FAM171B: variants seen among roughly 807,000 people sequenced by gnomAD.
The protein encoded by FAM171B is protein FAM171B.
Under a neutral mutation model 75.6 loss-of-function variants are expected in FAM171B, and 19 were observed. That is an observed-to-expected ratio of 0.25 (90% CI 0.18 to 0.37). The LOEUF (loss-of-function observed/expected upper bound fraction) is 0.37, where lower values mean the gene tolerates loss of function less well. FAM171B is among the 10% of genes least tolerant of loss of function. The pLI is 1.00. For synonymous variants in FAM171B, 367 were observed against 361.7 expected (o/e 1.01, Z -0.17); for missense variants, 848 against 982.4 (o/e 0.86, Z 1.83).
At chr2:186,697,374 T>G (rs1167096630) in intron 1 of FAM171B, among the ~76,000 whole-genome samples, 1 of 152,046 alleles carries the variant, frequency 6.6e-6, no homozygotes, top group East Asian at 1.9e-4. Flanking sequence ...CCTGAATAGC[T>G]GAACTACAGA....
At chr2:186,755,736 T>C (rs1346781150) in intron 6 of FAM171B, among the ~76,000 whole-genome samples, 3 of 152,198 alleles carry the variant, frequency 2.0e-5, no homozygotes, top group Non-Finnish European at 2.9e-5. Context: ...TGTTGCCTGC[T>C]CAGGCTGGGC....
intron 1 of FAM171B, among the ~76,000 whole-genome samples, chr2:186,728,006 T>C (rs1690060726): frequency 6.6e-6 from 1 of 152,122 alleles, no homozygotes; most frequent in Admixed American, 6.6e-5. Flanking sequence ...CAAAGAAGCC[T>C]GATTTGGGAG....
In FAM171B at chr2:186,709,115, C is replaced by G. The variant is rs536592876; in HGVS notation, c.238+14704C>G. Among the ~76,000 whole-genome samples the G allele has an allele frequency of 1.6e-4, 25 of 152,054 alleles. No homozygotes were observed. In the South Asian group the frequency reaches 4.2e-3, roughly 25 times the overall value. On this transcript the variant is annotated intron_variant, in intron 1 of 7. Transcript: ENST00000304698. ...ACCGAGAGAGAGAGAGTGGGAGGTG[C>G]CGCTTTTAAACGACCAGATCTTGTG...
intron 6 of FAM171B, among the ~76,000 whole-genome samples, chr2:186,755,111 T>G (rs1201989340): frequency 1.3e-5 from 2 of 152,216 alleles, no homozygotes; most frequent in African/African-American, 2.4e-5. Context: ...GTTGTGTACA[T>G]TCCTCAAAAT....
chr2:186,696,569 A>G (rs1689584588), intron 1 of FAM171B, among the ~76,000 whole-genome samples: 1 of 145,002 alleles, frequency 6.9e-6, no homozygotes, highest in South Asian at 2.3e-4. Context: ...CAAGGTCTAG[A>G]TCCTTTGTAT....
intron 1 of FAM171B, among the ~76,000 whole-genome samples, chr2:186,734,807 T>A (rs1031054605): frequency 1.3e-5 from 2 of 152,118 alleles, no homozygotes; most frequent in Non-Finnish European, 2.9e-5. Flanking sequence ...GTGCCCAAAG[T>A]CCGGAAGGGG....
intron 1 of FAM171B, among the ~76,000 whole-genome samples, chr2:186,698,279 C>T (rs982419407): frequency 6.6e-6 from 1 of 152,090 alleles, no homozygotes; most frequent in African/African-American, 2.4e-5. Flanking sequence ...CTTTTCAGTA[C>T]AGAGAAAGCT....
At chr2:186,722,396 TAAAG>T (rs1294576219) in intron 1 of FAM171B, among the ~76,000 whole-genome samples, 1 of 152,146 alleles carries the variant, frequency 6.6e-6, no homozygotes, top group Non-Finnish European at 1.5e-5. Flanking sequence ...TTTTCGGCAT[TAAAG>T]ATATGGAACC....
At chr2:186,730,074 C>T (rs1690091570) in intron 1 of FAM171B, among the ~76,000 whole-genome samples, 1 of 152,224 alleles carries the variant, frequency 6.6e-6, no homozygotes, top group African/African-American at 2.4e-5. Flanking sequence ...AATTCCCCCG[C>T]CTCAGCCTCC....
intron 1 of FAM171B, among the ~76,000 whole-genome samples, chr2:186,711,297 A>G (rs993227504): frequency 5.3e-5 from 8 of 152,138 alleles, no homozygotes; most frequent in African/African-American, 1.9e-4. Context: ...GTCATTTCCT[A>G]CCAACCTGGG....
intron 6 of FAM171B, among the ~76,000 whole-genome samples, chr2:186,759,505 A>G (rs563359630): frequency 1.3e-5 from 2 of 152,188 alleles, no homozygotes; most frequent in East Asian, 3.9e-4. Flanking sequence ...ACCAGCATTC[A>G]TTATTGACTG....
At position 186,762,772 on chromosome 2, in the gene FAM171B, G is replaced by A; in HGVS notation, c.2430G>A (p.Lys810=). The change falls in exon 8 of 8, where the codon AAG becomes AAA. Residue 810 remains lysine (K), a synonymous_variant. Transcript: ENST00000304698. The surrounding 1 kb of genome is among the most constrained non-coding windows in gnomAD (Gnocchi z 4.0). ...GRPPLAKRDS[K]TNIWKKREER... is the part of the protein sequence containing the mutation. ...CACCACTAGCCAAAAGAGATAGCAA[G>A]ACTAACATCTGGAAGAAGCGAGAGG... The A allele has an allele frequency of 6.2e-7, 1 of 1,613,232 alleles. No homozygotes were observed. The highest frequency in any genetic ancestry group is 8.5e-7 in the Non-Finnish European group (1 of 1,179,528).
At chr2:186,710,120 T>C (rs1184331551) in intron 1 of FAM171B, among the ~76,000 whole-genome samples, 1 of 152,204 alleles carries the variant, frequency 6.6e-6, no homozygotes, top group Admixed American at 6.5e-5. Context: ...GCACCTGTCA[T>C]GCAGTTTTTG....
At chr2:186,719,890 A>G (rs1260762340) in intron 1 of FAM171B, among the ~76,000 whole-genome samples, 3 of 152,264 alleles carry the variant, frequency 2.0e-5, no homozygotes, top group Non-Finnish European at 4.4e-5. Context: ...TCCAAATGTG[A>G]AAAATTAGGT....
chr2:186,756,998 G>A (rs1690542468), intron 6 of FAM171B, among the ~76,000 whole-genome samples: 2 of 152,088 alleles, frequency 1.3e-5, no homozygotes, highest in Admixed American at 6.6e-5. Flanking sequence ...CATAGAGTTG[G>A]GGTATATCAC....
chr2:186,725,218 C>A (rs998035709), intron 1 of FAM171B, among the ~76,000 whole-genome samples: 3 of 151,940 alleles, frequency 2.0e-5, no homozygotes, highest in African/African-American at 7.3e-5. Context: ...GTGGCAGGCA[C>A]CTGTAGTCCC....
intron 4 of FAM171B, among the ~76,000 whole-genome samples, chr2:186,749,315 C>G (rs1690416547): frequency 6.6e-6 from 1 of 152,038 alleles, no homozygotes; most frequent in Non-Finnish European, 1.5e-5. Flanking sequence ...ATCTTAAATG[C>G]TGGTGTGTCA....
chr2:186,707,041 C>T (rs1689742059), intron 1 of FAM171B, among the ~76,000 whole-genome samples: 1 of 152,152 alleles, frequency 6.6e-6, no homozygotes, highest in South Asian at 2.1e-4. Context: ...GTGGTCATAT[C>T]CACTCCAGTT....
At position 186,694,292 on chromosome 2, in the gene FAM171B, G is replaced by C. The variant is rs1176630489; in HGVS notation, c.119G>C (p.Ser40Thr). The C allele has an allele frequency of 6.2e-7, 1 of 1,602,030 alleles. No individual in the cohort carries two copies. The highest frequency in any genetic ancestry group is 8.5e-7 in the Non-Finnish European group (1 of 1,176,782). ...ARAELSRSDL[S>T]LIQQQQQQQQ... Reference sequence around the variant, plus strand: ...GCGGAACTCAGCCGCTCCGACCTCAGCCTCATCCAACAGCAGCAGCAGCAG... The same window carrying C: ...GCGGAACTCAGCCGCTCCGACCTCACCCTCATCCAACAGCAGCAGCAGCAG... The change falls in exon 1 of 8, where the codon AGC becomes ACC. Residue 40 changes from serine (S) to threonine (T), a missense_variant. Around this residue, in one of 3 missense-constraint regions of FAM171B, gnomAD observed 665 missense variants for 729.0 expected, o/e 0.91. Transcript: ENST00000304698.
Sources: allele counts gnomAD v4.1 joint callset (sites outside exome capture counted in the v4.1 genomes callset), GRCh38; gene constraint gnomAD v4.1.1; regional missense constraint gnomAD v4.1.1; non-coding constraint Gnocchi (gnomAD v3.1); transcripts MANE v1.5; gene names NCBI Gene and HGNC (gene_info 2026-07-23, HGNC 2026-07-21).